The following ZSWIM9 variants were observed in gnomAD, a reference collection of about 807,000 sequenced individuals.
ZSWIM9 encodes uncharacterized protein ZSWIM9.
In ZSWIM9, 11 loss-of-function variants were observed where a neutral mutation model predicts 25.0. The ratio of observed to expected loss-of-function variants is 0.44; its 90% CI spans 0.28 to 0.73. The LOEUF (loss-of-function observed/expected upper bound fraction) is 0.73. Among genes scored for constraint, ZSWIM9 ranks in the 30% least tolerant of loss-of-function variants. The pLI, the probability that ZSWIM9 is intolerant of heterozygous loss-of-function variation, is 0.16. For missense variants in ZSWIM9, 1,070 were observed against 1,296.5 expected (o/e 0.83, Z 2.68); for synonymous variants, 562 against 582.1 (o/e 0.97, Z 0.50).
Position 48,182,759 on chromosome 19 carries a change from G to A in ZSWIM9, c.580G>A (p.Glu194Lys), listed in dbSNP as rs746170048. ...VLEGLFRTDP[E>K]AKVKLVFVED... ...CGAGGGCCTCTTCCGCACCGACCCC[G>A]AGGCCAAGGTGGGGTCTCGAGAGAG... The change falls in exon 3 of 4, where the codon GAG becomes AAG. Residue 194 changes from glutamate to lysine, a missense_variant. By Grantham distance (56) the Glu-to-Lys change is moderately conservative. Transcript: ENST00000614654. The surrounding 1 kb of genome is among the most constrained non-coding windows in gnomAD (Gnocchi z 4.6). 1.2e-4 allele frequency: 182 copies of A among 1,525,628 alleles called. No individual in the cohort carries two copies. The highest frequency in any genetic ancestry group is 1.5e-4 in the Non-Finnish European group (170 of 1,138,814). The allele number at this position is 1,525,628 out of a possible 1,614,324, so 94.5% of individuals were successfully genotyped here.
chr19:48,187,159 GT>G (rs1444100355), intron 3 of ZSWIM9, among the ~76,000 whole-genome samples: 1 of 144,726 alleles, frequency 6.9e-6, no homozygotes. Context: ...CTGCTTTCCA[GT>G]TTCCAAAGTT....
intron 2 of ZSWIM9, among the ~76,000 whole-genome samples, chr19:48,178,239 T>A (rs2036913250): frequency 6.6e-6 from 1 of 152,244 alleles, no homozygotes; most frequent in South Asian, 2.1e-4. Context: ...ACTCTGTATG[T>A]TGATTCTTAA....
intron 3 of ZSWIM9, among the ~76,000 whole-genome samples, chr19:48,187,382 A>AG (rs2037025348): frequency 2.7e-5 from 3 of 111,072 alleles, no homozygotes; most frequent in African/African-American, 3.4e-5. Context: ...AGTATAATGT[A>AG]ATAATTAATA....
Position 48,171,927 on chromosome 19 carries a change from T to C in ZSWIM9, c.125T>C (p.Leu42Pro). The C allele has an allele frequency of 6.5e-7, 1 of 1,535,822 alleles. No individual in the cohort carries two copies. Reference sequence around the variant, plus strand: ...TTCGACGCGTGGTGCCAGCAGCGGCTGGCGCTCTTCTTCGTCAAGAGCTCC... The same window carrying C: ...TTCGACGCGTGGTGCCAGCAGCGGCCGGCGCTCTTCTTCGTCAAGAGCTCC... ...RFFDAWCQQR[L>P]ALFFVKSSMH... Residue 42 changes from leucine (L) to proline (P), a missense_variant, in exon 2 of 4, where the codon CTG becomes CCG. Leu to Pro is a moderately conservative substitution (Grantham distance 98). Transcript: ENST00000614654.
intron 3 of ZSWIM9, among the ~76,000 whole-genome samples, chr19:48,190,032 G>A (rs1184210270): frequency 6.6e-6 from 1 of 151,852 alleles, no homozygotes; most frequent in Non-Finnish European, 1.5e-5. Flanking sequence ...GTGAAACCCC[G>A]TCTCTACTAA....
chr19:48,176,540 CCTTT>C (rs2036895214), intron 2 of ZSWIM9, among the ~76,000 whole-genome samples: 1 of 152,080 alleles, frequency 6.6e-6, no homozygotes, highest in Non-Finnish European at 1.5e-5. Context: ...CACCCTCCCG[CCTTT>C]CTTTCTCACT....
At chr19:48,192,568 C>T (rs1290347804) in intron 3 of ZSWIM9, among the ~76,000 whole-genome samples, 1 of 146,000 alleles carries the variant, frequency 6.8e-6, no homozygotes, top group African/African-American at 2.5e-5. Flanking sequence ...CTTAAAATGC[C>T]GCCCATGCAT....
chr19:48,196,725 T>G lies in ZSWIM9; in HGVS notation c.2661T>G (p.Arg887=), dbSNP rs1480404959. 6 of 1,232,826 alleles carry G rather than the reference T, an allele frequency of 4.9e-6. No homozygotes were observed. The highest frequency in any genetic ancestry group is 2.0e-6 in the Non-Finnish European group (2 of 988,632). 76.4% of individuals were successfully genotyped at this position (1,232,826 alleles called of 1,614,324 possible). Residue 887 remains arginine, a synonymous_variant, in exon 4 of 4, where the codon CGT becomes CGG. Coordinates refer to ENST00000614654, the MANE Select transcript of ZSWIM9 (RefSeq NM_199341.4). ...RCSCSIHAAR[R]LPCRHLFAAR... ...GCTGCTCAATTCACGCCGCCCGCCG[T>G]CTGCCCTGCAGACACCTCTTTGCAG...
rs1489093684 is a variant in ZSWIM9 at position 48,192,220 on chromosome 19, C to A, written c.589-2433C>A. Among the ~76,000 whole-genome samples, 13 of 151,556 alleles carry A rather than the reference C, an allele frequency of 8.6e-5. No individual in the cohort carries two copies. The South Asian group carries it at 2.5e-3, about 29-fold the overall frequency. ...GCCAGCACATGGCACATCATATTTT[C>A]TCAGTAAATATCTGGCAGAAAAATG... On this transcript the variant is annotated intron_variant, in intron 3 of 3. Coordinates refer to ENST00000614654, the MANE Select transcript of ZSWIM9 (RefSeq NM_199341.4).
In ZSWIM9 at chr19:48,182,997, T is replaced by C. The variant is rs551939170; in HGVS notation, c.588+230T>C. On this transcript the variant is annotated intron_variant, in intron 3 of 3. Coordinates refer to ENST00000614654, the MANE Select transcript of ZSWIM9 (RefSeq NM_199341.4). The surrounding 1 kb of genome is among the most constrained non-coding windows in gnomAD (Gnocchi z 4.6). ...TACCTTCTAGGGTAGTGCTGCCCAG[T>C]AGAACTTTCTTCCAGGATGGAAACG... 1.3e-5 allele frequency: 7 copies of C among 534,004 alleles called. No homozygotes were observed. In the African/African-American group the frequency reaches 1.3e-4, roughly 10 times the overall value. 33.1% of individuals were successfully genotyped at this position (534,004 alleles called of 1,614,324 possible).
At chr19:48,192,468 A>ATATATATATATATAT (rs1173330681) in intron 3 of ZSWIM9, among the ~76,000 whole-genome samples, 2 of 23,874 alleles carry the variant, frequency 8.4e-5, no homozygotes, top group African/African-American at 1.2e-4. Context: ...AAAAAAAAAA[A>ATATATATATATATAT]AAAAAAAAAA....
intron 3 of ZSWIM9, among the ~76,000 whole-genome samples, chr19:48,189,004 C>G (rs1317093406): frequency 6.6e-6 from 1 of 152,008 alleles, no homozygotes; most frequent in Non-Finnish European, 1.5e-5. Flanking sequence ...GTACTCCAGC[C>G]TGGGTGACAG....
At chr19:48,191,231 GTCTC>G (rs928915018) in intron 3 of ZSWIM9, among the ~76,000 whole-genome samples, 1 of 152,032 alleles carries the variant, frequency 6.6e-6, no homozygotes, top group South Asian at 2.1e-4. Context: ...TTGAGATGGA[GTCTC>G]TCTCTGTCGC....
intron 2 of ZSWIM9, among the ~76,000 whole-genome samples, chr19:48,176,732 G>A (rs2036896972): frequency 6.6e-6 from 1 of 152,000 alleles, no homozygotes; most frequent in Admixed American, 6.6e-5. Flanking sequence ...TTTAGATGCT[G>A]GGATTTCTGT....
intron 2 of ZSWIM9, among the ~76,000 whole-genome samples, chr19:48,172,550 G>A (rs2036851185): frequency 6.6e-6 from 1 of 152,094 alleles, no homozygotes; most frequent in Non-Finnish European, 1.5e-5. Flanking sequence ...GTCTTGCTCT[G>A]TCACTCAGGC....
chr19:48,173,516 C>T (rs1255240427), intron 2 of ZSWIM9, among the ~76,000 whole-genome samples: 1 of 152,118 alleles, frequency 6.6e-6, no homozygotes, highest in Non-Finnish European at 1.5e-5. Flanking sequence ...CCAGGCTGGT[C>T]TCGAACTCCT....
chr19:48,187,211 A>AT (rs2037022054), intron 3 of ZSWIM9, among the ~76,000 whole-genome samples: 1 of 148,086 alleles, frequency 6.8e-6, no homozygotes, highest in Non-Finnish European at 1.5e-5. Context: ...AAAAAAAAAA[A>AT]GCCATTTTAA....
chr19:48,182,574 CCTA>C lies in ZSWIM9; in HGVS notation c.401_403del (p.Tyr134del). 6.5e-7 allele frequency: 1 copy of C among 1,535,912 alleles called. No individual in the cohort carries two copies. The highest frequency in any genetic ancestry group is 8.7e-7 in the Non-Finnish European group (1 of 1,146,754). On this transcript the variant is annotated inframe_deletion, in exon 3 of 4. Transcript: ENST00000614654. The surrounding 1 kb of genome is among the most constrained non-coding windows in gnomAD (Gnocchi z 4.6). ...CACCCGGCCTGCCCGCTGGAGTTCG[CCTA>C]CTACTTCCGCCCGGGCCACCTGCTG...
Position 48,195,505 on chromosome 19 carries a change from C to T in ZSWIM9, c.1441C>T (p.Pro481Ser), listed in dbSNP as rs561548018. ...GGAGACAGGCGACTGGGGAGGGGCT[C>T]CGAAAGAAGGAAGTATTTGGAGGGG... is the stretch of plus-strand genomic sequence containing the variant. ...GLETGDWGGAPKEGSIWRGAQ... is the reference protein window; with the variant it reads ...GLETGDWGGASKEGSIWRGAQ... Residue 481 changes from proline (P) to serine (S), a missense_variant, in exon 4 of 4, where the codon CCG becomes TCG. Physicochemically the swap from Pro to Ser is moderately conservative, Grantham distance 74. Around this residue, in one of 4 missense-constraint regions of ZSWIM9, gnomAD observed 583 missense variants for 624.7 expected, o/e 0.93. Coordinates refer to ENST00000614654, the MANE Select transcript of ZSWIM9 (RefSeq NM_199341.4). The surrounding 1 kb of genome is among the most constrained non-coding windows in gnomAD (Gnocchi z 5.8). 477 of 1,410,572 alleles carry T rather than the reference C, an allele frequency of 3.4e-4. No individual in the cohort carries two copies. The highest frequency in any genetic ancestry group is 4.1e-4 in the Non-Finnish European group (450 of 1,089,298). 87.4% of individuals were successfully genotyped at this position (1,410,572 alleles called of 1,614,324 possible).
Sources: allele counts gnomAD v4.1 joint callset (sites outside exome capture counted in the v4.1 genomes callset), GRCh38; gene constraint gnomAD v4.1.1; regional missense constraint gnomAD v4.1.1; non-coding constraint Gnocchi (gnomAD v3.1); transcripts MANE v1.5; gene names NCBI Gene and HGNC (gene_info 2026-07-23, HGNC 2026-07-21).